The following TCERG1L variants were observed in gnomAD, a reference collection of about 807,000 sequenced individuals.
TCERG1L encodes the protein transcription elongation regulator 1 like.
Under a neutral mutation model 56.3 loss-of-function variants are expected in TCERG1L, and 37 were observed. That is an observed-to-expected ratio of 0.66 (90% confidence interval 0.51 to 0.87). The LOEUF (loss-of-function observed/expected upper bound fraction) is 0.87. TCERG1L is among the 40% of genes least tolerant of loss of function. The pLI is 0.00. For synonymous variants in TCERG1L, 324 were observed against 326.3 expected (o/e 0.99, Z 0.08); for missense variants, 799 against 774.2 (o/e 1.03, Z -0.38).
intron 7 of TCERG1L, among the ~76,000 whole-genome samples, chr10:131,139,702 G>A (rs998202955): frequency 2.6e-5 from 4 of 151,890 alleles, no homozygotes; most frequent in African/African-American, 9.7e-5. Context: ...GTGTGTGTGT[G>A]TGTGTGTGTC....
chr10:131,258,720 T>A (rs1846202074), intron 4 of TCERG1L, among the ~76,000 whole-genome samples: 1 of 152,222 alleles, frequency 6.6e-6, no homozygotes, highest in Non-Finnish European at 1.5e-5. Context: ...ATAACGTTGG[T>A]GCTGGCCTCG....
chr10:131,125,007 T>G (rs1845549963), intron 8 of TCERG1L, among the ~76,000 whole-genome samples: 1 of 152,220 alleles, frequency 6.6e-6, no homozygotes, highest in African/African-American at 2.4e-5. Context: ...TTCTCCTCAT[T>G]TCATCACCAG....
intron 6 of TCERG1L, chr10:131,156,096 G>A (rs1432839397): frequency 6.6e-6 from 1 of 152,214 alleles, no homozygotes; most frequent in Non-Finnish European, 1.5e-5. Flanking sequence ...GGGAGAAAGT[G>A]ACACAGGCTG....
intron 4 of TCERG1L, among the ~76,000 whole-genome samples, chr10:131,247,521 G>C (rs113893979): frequency 0.012 from 1,791 of 152,206 alleles, 35 homozygotes; most frequent in African/African-American, 0.037. Context: ...CCTGGTCGAG[G>C]CCCTGAGGCT....
Position 131,163,221 on chromosome 10 carries a change from A to G in TCERG1L, c.946-11T>C. Reference sequence around the variant, plus strand: ...CATCGGTGGAGGCTCCTTTCAACAGAAAGAGACAGGGGAGTGGCTTTTAAT... The same window carrying G: ...CATCGGTGGAGGCTCCTTTCAACAGGAAGAGACAGGGGAGTGGCTTTTAAT... On this transcript the variant is annotated splice_polypyrimidine_tract_variant and intron_variant, in intron 5 of 11. Transcript: ENST00000368642. 6.6e-7 allele frequency: 1 copy of G among 1,519,720 alleles called. No individual in the cohort carries two copies. The allele number at this position is 1,519,720 out of a possible 1,614,324, so 94.1% of individuals were successfully genotyped here.
intron 8 of TCERG1L, among the ~76,000 whole-genome samples, chr10:131,130,900 C>T (rs1187892334): frequency 1.3e-5 from 2 of 151,996 alleles, no homozygotes; most frequent in African/African-American, 2.4e-5. Flanking sequence ...CCTGCAGGGA[C>T]GGGCATCAAC....
At chr10:131,186,452 T>A (rs115797640) in intron 4 of TCERG1L, among the ~76,000 whole-genome samples, 16 of 151,798 alleles carry the variant, frequency 1.1e-4, no homozygotes, top group Non-Finnish European at 2.4e-4. Context: ...TCATAAGAGG[T>A]CCAAAGAGAT....
At position 131,261,929 on chromosome 10, in the gene TCERG1L, A is replaced by G. The variant is rs1257541071; in HGVS notation, c.671-1485T>C. ...AAAAGTCTGCATGAGGCAAGGCGAG[A>G]CTCCCTGCTGACCCCTAGAGAAGAA... On this transcript the variant is annotated intron_variant, in intron 3 of 11. Coordinates refer to ENST00000368642, the MANE Select transcript of TCERG1L (RefSeq NM_174937.4). Among the ~76,000 whole-genome samples, 3 of 152,146 alleles carry G rather than the reference A, an allele frequency of 2.0e-5. No homozygotes were observed. The East Asian group carries it at 5.8e-4, about 30-fold the overall frequency.
intron 4 of TCERG1L, among the ~76,000 whole-genome samples, chr10:131,221,852 G>A (rs1006860162): frequency 2.0e-5 from 3 of 152,212 alleles, no homozygotes; most frequent in East Asian, 3.9e-4. Flanking sequence ...CCTCCACGTT[G>A]GGAGTACCTT....
rs117266922 is a variant in TCERG1L at position 131,094,377 on chromosome 10, A to T, written c.1605-1059T>A. On this transcript the variant is annotated intron_variant, in intron 11 of 11. Coordinates refer to ENST00000368642, the MANE Select transcript of TCERG1L (RefSeq NM_174937.4). ...CACTTCTCCTTACAGAGAATTTTAC[A>T]CTTCCTTGCAGACACGGAATTATTG... 5.9e-4 allele frequency among the ~76,000 whole-genome samples: 90 copies of T among 152,306 alleles called. 2 individuals carry two copies. In the East Asian group the frequency reaches 0.017, roughly 29 times the overall value.
At chr10:131,168,173 C>T (rs937795277) in intron 4 of TCERG1L, among the ~76,000 whole-genome samples, 6 of 152,290 alleles carry the variant, frequency 3.9e-5, no homozygotes, top group African/African-American at 7.2e-5. Flanking sequence ...CACACAGGTG[C>T]GTATATGCAC....
chr10:131,282,068 G>A (rs1335678132), intron 3 of TCERG1L, among the ~76,000 whole-genome samples: 6 of 151,084 alleles, frequency 4.0e-5, no homozygotes, highest in African/African-American at 9.7e-5. Context: ...CCCGGGAAGC[G>A]GAGCTTGCAG....
chr10:131,216,060 T>A (rs1387989903), intron 4 of TCERG1L, among the ~76,000 whole-genome samples: 1 of 152,110 alleles, frequency 6.6e-6, no homozygotes, highest in Non-Finnish European at 1.5e-5. Context: ...AATGGCCTTG[T>A]CCCTGCATCA....
intron 4 of TCERG1L, among the ~76,000 whole-genome samples, chr10:131,236,674 A>G (rs1845916462): frequency 6.6e-6 from 1 of 152,154 alleles, no homozygotes; most frequent in Non-Finnish European, 1.5e-5. Context: ...CCCTCCTTGG[A>G]GCCCAGCTGG....
intron 4 of TCERG1L, among the ~76,000 whole-genome samples, chr10:131,214,909 A>G (rs577345894): frequency 2.6e-5 from 4 of 152,170 alleles, no homozygotes; most frequent in African/African-American, 7.2e-5. Context: ...CATGCCAAGG[A>G]CTCCTCTAAG....
chr10:131,264,358 A>C (rs1846264825), intron 3 of TCERG1L, among the ~76,000 whole-genome samples: 1 of 152,166 alleles, frequency 6.6e-6, no homozygotes, highest in African/African-American at 2.4e-5. Context: ...GCTGTCGAAG[A>C]CCACCCACCC....
At chr10:131,184,238 A>G (rs763711554) in intron 4 of TCERG1L, among the ~76,000 whole-genome samples, 1 of 152,228 alleles carries the variant, frequency 6.6e-6, no homozygotes, top group Admixed American at 6.5e-5. Flanking sequence ...AGCGTATCAC[A>G]TTTAAATGAC....
chr10:131,115,885 G>A (rs1036581447), intron 9 of TCERG1L, among the ~76,000 whole-genome samples: 2 of 152,134 alleles, frequency 1.3e-5, no homozygotes, highest in Non-Finnish European at 2.9e-5. Context: ...CAGGGAGCTG[G>A]GTCCCCATGG....
intron 4 of TCERG1L, among the ~76,000 whole-genome samples, chr10:131,215,956 C>T (rs533747543): frequency 4.3e-4 from 66 of 152,266 alleles, no homozygotes; most frequent in African/African-American, 1.4e-3. Context: ...CCCACGAACG[C>T]GCACTGTGGG....
Sources: allele counts gnomAD v4.1 joint callset (sites outside exome capture counted in the v4.1 genomes callset), GRCh38; gene constraint gnomAD v4.1.1; transcripts MANE v1.5; gene names NCBI Gene and HGNC (gene_info 2026-07-23, HGNC 2026-07-21).